Variants in ADGRL1 observed in about 807,000 individuals in gnomAD.
The protein encoded by ADGRL1 is CIRL-1.
ADGRL1 carries 31 observed loss-of-function variants against 148.9 expected under a neutral mutation model. The observed-to-expected ratio is 0.21, with a 90% CI of 0.16 to 0.28. ADGRL1 has a LOEUF of 0.28. ADGRL1 is among the 10% of genes least tolerant of loss of function. ADGRL1 has a pLI of 1.00. For synonymous variants in ADGRL1, 937 were observed against 900.3 expected, an observed-to-expected ratio of 1.04 and a Z score of -0.73; for missense variants, 1,521 against 2,058.8, an observed-to-expected ratio of 0.74 and a Z score of 5.05.
chr19:14,159,998 G>C lies in ADGRL1; in HGVS notation c.1800+114C>G, dbSNP rs1359702069. On this transcript the variant is annotated intron_variant, in intron 8 of 22. Coordinates refer to ENST00000361434, the MANE Select transcript of ADGRL1 (RefSeq NM_014921.5). The surrounding 1 kb of genome is among the most constrained non-coding windows in gnomAD (Gnocchi z 6.0). ...GGAGAGGGGGGGGTCCTTCCTCTCT[G>C]AGGAAAGGAGTGGAGGTGGCAGCCT... is the stretch of plus-strand genomic sequence containing the variant. 1.7e-6 allele frequency: 2 copies of C among 1,194,120 alleles called. No individual in the cohort carries two copies. Among genetic ancestry groups the C allele is most frequent in the Non-Finnish European group, 2.3e-6 (2 of 861,528 alleles). 74.0% of individuals were successfully genotyped at this position (1,194,120 alleles called of 1,614,324 possible).
chr19:14,159,419 C>T lies in ADGRL1; in HGVS notation c.2005G>A (p.Ala669Thr). Reference sequence around the variant, plus strand: ...CACTCACCCACGTTCTCCTTGGCAGCCAGGAAGCGGGCAGGCTCCCTGACA... The same window carrying T: ...CACTCACCCACGTTCTCCTTGGCAGTCAGGAAGCGGGCAGGCTCCCTGACA... Reference protein sequence around the residue: ...DNVREPARFLAAKENVVLEVT... With the variant: ...DNVREPARFLTAKENVVLEVT... Residue 669 changes from alanine to threonine, a missense_variant, in exon 10 of 23, where the codon GCT becomes ACT. Coordinates refer to ENST00000361434, the MANE Select transcript of ADGRL1 (RefSeq NM_014921.5). The surrounding 1 kb of genome is among the most constrained non-coding windows in gnomAD (Gnocchi z 6.0). 1.9e-6 allele frequency: 3 copies of T among 1,610,404 alleles called. No individual in the cohort carries two copies. The South Asian group carries it at 3.3e-5, about 18-fold the overall frequency.
intron 1 of ADGRL1, among the ~76,000 whole-genome samples, chr19:14,196,552 G>A (rs1327548399): frequency 6.6e-6 from 1 of 152,140 alleles, no homozygotes. Flanking sequence ...CCCGGGTGGT[G>A]GAGGTTGCAG....
At chr19:14,191,270 C>T (rs1217518118) in intron 1 of ADGRL1, 2 of 456,598 alleles carry the variant, frequency 4.4e-6, no homozygotes, top group African/African-American at 2.0e-5. Flanking sequence ...AGACATGGGC[C>T]TCTGCCACCC....
Position 14,152,009 on chromosome 19 carries a change from G to T in ADGRL1, c.3667+124C>A. On this transcript the variant is annotated intron_variant, in intron 22 of 22. Coordinates refer to ENST00000361434, the MANE Select transcript of ADGRL1 (RefSeq NM_014921.5). This position sits in a 1 kb window ranked among gnomAD's most constrained non-coding sequence, Gnocchi z 6.1. The stretch of plus-strand genomic sequence containing the variant: ...GGCTGCCAGAGGCTGTGTGTCGGGG[G>T]GTGGGGAAATGTGGGCATGGGGAGG... 1.1e-6 allele frequency: 1 copy of T among 878,328 alleles called. No homozygotes were observed. Among genetic ancestry groups the T allele is most frequent in the Non-Finnish European group, 1.9e-6 (1 of 526,084 alleles). 54.4% of individuals were successfully genotyped at this position (878,328 alleles called of 1,614,324 possible). A position where few individuals can be genotyped will look rare whatever the true frequency, so the allele number is the denominator to read the frequency against.
At chr19:14,151,671 G>C in intron 22 of ADGRL1, 56 bp from the exon 23 acceptor site, 1 of 1,489,766 alleles carries the variant, frequency 6.7e-7, no homozygotes, top group South Asian at 1.3e-5. Flanking sequence ...TGCACTAGGG[G>C]ACAGTGAGGG....
intron 3 of ADGRL1, among the ~76,000 whole-genome samples, chr19:14,175,553 C>T (rs1970765778): frequency 6.6e-6 from 1 of 152,044 alleles, no homozygotes; most frequent in Non-Finnish European, 1.5e-5. Context: ...CAAACACCCA[C>T]ATTCACACAC....
chr19:14,181,833 T>C (rs1163105328), intron 2 of ADGRL1, among the ~76,000 whole-genome samples: 1 of 152,230 alleles, frequency 6.6e-6, no homozygotes, highest in South Asian at 2.1e-4. Flanking sequence ...GCAGGGATCC[T>C]GTGCCTTAGA....
At position 14,151,105 on chromosome 19, in the gene ADGRL1, G is replaced by A. The variant is rs781360971; in HGVS notation, c.4178C>T (p.Pro1393Leu). The A allele has an allele frequency of 3.4e-5, 52 of 1,549,468 alleles. No homozygotes were observed. The highest frequency in any genetic ancestry group is 2.1e-4 in the East Asian group (9 of 42,294). ...GANLRDSPSY[P>L]DSSPEGPSEA... ...ACTGGGCCCCTCAGGGCTGCTGTCC[G>A]GGTAGGAGGGTGAGTCCCGCAGGTT... Residue 1393 changes from proline (P) to leucine (L), a missense_variant, in exon 23 of 23, where the codon CCG becomes CTG. Pro to Leu is a moderately conservative substitution (Grantham distance 98). Around this residue, in one of 8 missense-constraint regions of ADGRL1, gnomAD observed 390 missense variants for 375.0 expected, o/e 1.04. Transcript: ENST00000361434.
intron 2 of ADGRL1, among the ~76,000 whole-genome samples, chr19:14,181,313 G>T (rs1971175887): frequency 6.6e-6 from 1 of 152,230 alleles, no homozygotes; most frequent in African/African-American, 2.4e-5. Context: ...GTGAAGTCTG[G>T]TTCAGAATGC....
Position 14,152,163 on chromosome 19 carries a change from G to C in ADGRL1, c.3650-13C>G. On this transcript the variant is annotated splice_polypyrimidine_tract_variant and intron_variant, in intron 21 of 22. Transcript: ENST00000361434. The surrounding 1 kb of genome is among the most constrained non-coding windows in gnomAD (Gnocchi z 6.1). ...TCCCGGTAGCTCCCTGCAGGTGGCA[G>C]CCAGAAGAGAGAAGAGAAAAGGCAA... The C allele has an allele frequency of 6.2e-7, 1 of 1,614,086 alleles. No individual in the cohort carries two copies. The highest frequency in any genetic ancestry group is 8.5e-7 in the Non-Finnish European group (1 of 1,179,992).
Position 14,157,788 on chromosome 19 carries a change from T to G in ADGRL1, c.2535+94A>C, listed in dbSNP as rs1654529474. 1 of 1,457,026 alleles carries G rather than the reference T, an allele frequency of 6.9e-7. No homozygotes were observed. The highest frequency in any genetic ancestry group is 2.1e-5 in the Admixed American group (1 of 46,832). The allele number at this position is 1,457,026 out of a possible 1,614,324, so 90.3% of individuals were successfully genotyped here. Reference sequence around the variant, plus strand: ...GCCCCCCACACCCATGGGGCTAGCCTCCCCTGGTACTGCCCGTGATCTCTC... The same window carrying G: ...GCCCCCCACACCCATGGGGCTAGCCGCCCCTGGTACTGCCCGTGATCTCTC... On this transcript the variant is annotated intron_variant, in intron 13 of 22. Transcript: ENST00000361434. This position sits in a 1 kb window ranked among gnomAD's most constrained non-coding sequence, Gnocchi z 7.5.
intron 3 of ADGRL1, among the ~76,000 whole-genome samples, chr19:14,173,818 A>C (rs1463756336): frequency 4.0e-5 from 6 of 151,876 alleles, no homozygotes; most frequent in African/African-American, 1.5e-4. Flanking sequence ...GTGGTGGTGC[A>C]TGCTTGTAGT....
intron 1 of ADGRL1, among the ~76,000 whole-genome samples, chr19:14,200,305 A>C (rs1972515428): frequency 6.6e-6 from 1 of 152,188 alleles, no homozygotes; most frequent in African/African-American, 2.4e-5. Flanking sequence ...TGCCGGGAAC[A>C]GACTGTGCAG....
intron 4 of ADGRL1, among the ~76,000 whole-genome samples, chr19:14,166,570 G>C (rs1969981062): frequency 6.7e-6 from 1 of 149,596 alleles, no homozygotes; most frequent in South Asian, 2.1e-4. Context: ...GACAGAGAGA[G>C]AGAGAGAGAG....
chr19:14,200,306 G>A (rs1371262012), intron 1 of ADGRL1, among the ~76,000 whole-genome samples: 1 of 152,210 alleles, frequency 6.6e-6, no homozygotes, highest in Non-Finnish European at 1.5e-5. Context: ...GCCGGGAACA[G>A]ACTGTGCAGG....
In ADGRL1 at chr19:14,160,742, G is replaced by A. The variant is rs1969273955; in HGVS notation, c.1511-46C>T. The A allele has an allele frequency of 8.9e-7, 1 of 1,125,062 alleles. No individual in the cohort carries two copies. Among genetic ancestry groups the A allele is most frequent in the Non-Finnish European group, 1.3e-6 (1 of 741,526 alleles). The allele number at this position is 1,125,062 out of a possible 1,614,324, so 69.7% of individuals were successfully genotyped here. ...GAACAGACAAGGGAGCCAAAGGGAA[G>A]AAGAGAAGGATGGGACAGAGAGGGG... is the stretch of plus-strand genomic sequence containing the variant. On this transcript the variant is annotated intron_variant, in intron 6 of 22. Coordinates refer to ENST00000361434, the MANE Select transcript of ADGRL1 (RefSeq NM_014921.5). The surrounding 1 kb of genome is among the most constrained non-coding windows in gnomAD (Gnocchi z 5.9).
At chr19:14,156,426 G>A (rs993737607) in intron 16 of ADGRL1, among the ~76,000 whole-genome samples, 9 of 152,064 alleles carry the variant, frequency 5.9e-5, no homozygotes, top group Admixed American at 1.3e-4. Context: ...CCCATGGCCT[G>A]ACACACACTA....
At chr19:14,175,507 C>T (rs1970762694) in intron 3 of ADGRL1, among the ~76,000 whole-genome samples, 1 of 151,694 alleles carries the variant, frequency 6.6e-6, no homozygotes, top group South Asian at 2.1e-4. Context: ...CACTTAAACA[C>T]ACCCAAATAC....
intron 1 of ADGRL1, among the ~76,000 whole-genome samples, chr19:14,196,023 C>T (rs1486728967): frequency 6.6e-6 from 1 of 152,116 alleles, no homozygotes; most frequent in East Asian, 1.9e-4. Flanking sequence ...CCTTCAGAGT[C>T]CACTCACCTC....
Sources: allele counts gnomAD v4.1 joint callset (sites outside exome capture counted in the v4.1 genomes callset), GRCh38; gene constraint gnomAD v4.1.1; regional missense constraint gnomAD v4.1.1; non-coding constraint Gnocchi (gnomAD v3.1); transcripts MANE v1.5; gene names NCBI Gene and HGNC (gene_info 2026-07-23, HGNC 2026-07-21).